The following CNOT4 variants were observed in gnomAD, a reference collection of about 807,000 sequenced individuals.
The protein encoded by CNOT4 is CCR4-associated factor 4.
Under a neutral mutation model 73.8 loss-of-function variants are expected in CNOT4, and 8 were observed. That is an observed-to-expected ratio of 0.11 (90% CI 0.06 to 0.20). The LOEUF (loss-of-function observed/expected upper bound fraction) is 0.20. CNOT4 is among the 10% of genes least tolerant of loss of function. The probability of loss-of-function intolerance (pLI) is 1.00; values close to 1 mark genes in which losing one functional copy is unlikely to be tolerated. For synonymous variants in CNOT4, 293 were observed against 321.1 expected (o/e 0.91, Z 0.94); for missense variants, 564 against 883.4 (o/e 0.64, Z 4.58).
At chr7:135,389,865 G>C (rs1468118666) in intron 10 of CNOT4, among the ~76,000 whole-genome samples, 1 of 151,968 alleles carries the variant, frequency 6.6e-6, no homozygotes, top group African/African-American at 2.4e-5. Flanking sequence ...AACTGACAAA[G>C]CAGAAAAAGA....
intron 10 of CNOT4, among the ~76,000 whole-genome samples, chr7:135,380,796 G>A (rs1795803819): frequency 6.6e-6 from 1 of 152,136 alleles, no homozygotes; most frequent in African/African-American, 2.4e-5. Context: ...ACAATCCTTC[G>A]GAGCCTTGTT....
intron 2 of CNOT4, among the ~76,000 whole-genome samples, chr7:135,425,439 C>T (rs1798438110): frequency 1.3e-5 from 2 of 152,208 alleles, no homozygotes; most frequent in South Asian, 4.1e-4. Flanking sequence ...ATTACTGATG[C>T]ACCATCATGT....
intron 2 of CNOT4, among the ~76,000 whole-genome samples, chr7:135,434,966 T>C (rs1585638146): frequency 6.6e-6 from 1 of 152,354 alleles, no homozygotes; most frequent in East Asian, 1.9e-4. Flanking sequence ...TGAAAATGTT[T>C]TATTATGCCT....
At chr7:135,422,476 T>G (rs1237497030) in intron 2 of CNOT4, 123 bp from the exon 3 acceptor site, 3 of 563,350 alleles carry the variant, frequency 5.3e-6, no homozygotes, top group Non-Finnish European at 9.4e-6. Flanking sequence ...TATTAGAATG[T>G]TTTAACTGCT....
At chr7:135,479,624 A>G (rs948842094) in intron 1 of CNOT4, among the ~76,000 whole-genome samples, 14 of 152,126 alleles carry the variant, frequency 9.2e-5, no homozygotes, top group African/African-American at 3.1e-4. Context: ...ATGCCCAGGC[A>G]AGGTGGCTCA....
At chr7:135,415,054 T>C in intron 4 of CNOT4, 122 bp downstream of exon 4, 2 of 681,400 alleles carry the variant, frequency 2.9e-6, no homozygotes, top group South Asian at 3.7e-5. Flanking sequence ...CAGAGGTCAC[T>C]ACATTGCTTA....
intron 1 of CNOT4, among the ~76,000 whole-genome samples, chr7:135,506,416 G>GT (rs1211891329): frequency 6.6e-6 from 1 of 152,166 alleles, no homozygotes; most frequent in Non-Finnish European, 1.5e-5. Flanking sequence ...TATAGTTACT[G>GT]TAAGAGAGCT....
At chr7:135,405,026 A>G (rs562313015) in intron 7 of CNOT4, among the ~76,000 whole-genome samples, 3 of 152,310 alleles carry the variant, frequency 2.0e-5, no homozygotes, top group African/African-American at 7.2e-5. Context: ...AGCTGCTCTT[A>G]AGAATTTTAC....
intron 1 of CNOT4, among the ~76,000 whole-genome samples, chr7:135,508,826 T>C (rs1412899247): frequency 6.6e-6 from 1 of 152,206 alleles, no homozygotes. Flanking sequence ...TATTTTGTAA[T>C]GCTGGGGTTA....
intron 10 of CNOT4, among the ~76,000 whole-genome samples, chr7:135,378,984 C>CA (rs34447722): frequency 0.48 from 46,433 of 96,750 alleles, 8,918 homozygotes; most frequent in Middle Eastern, 0.61. Context: ...AACCCTGTCT[C>CA]AAAAAAAAAA....
At position 135,464,635 on chromosome 7, in the gene CNOT4, A is replaced by T. The variant is rs544091680; in HGVS notation, c.-92-26212T>A. On this transcript the variant is annotated intron_variant, in intron 1 of 11. Transcript: ENST00000541284. ...GATGTGACATGTGTTTACCTATGTA[A>T]CAAACCTTATCATGTGCCCCCAAAC... is the stretch of plus-strand genomic sequence containing the variant. 1.6e-3 allele frequency among the ~76,000 whole-genome samples: 241 copies of T among 152,264 alleles called. 3 individuals carry two copies. Among genetic ancestry groups the T allele is most frequent in the Non-Finnish European group, 8.4e-4 (57 of 68,018 alleles).
chr7:135,381,662 C>CTTT (rs776389481), intron 10 of CNOT4, among the ~76,000 whole-genome samples: 5 of 152,148 alleles, frequency 3.3e-5, no homozygotes, highest in Non-Finnish European at 7.4e-5. Context: ...AAGAAACAGA[C>CTTT]TAAAATTCTT....
chr7:135,507,323 A>T (rs966491568), intron 1 of CNOT4, among the ~76,000 whole-genome samples: 19 of 152,228 alleles, frequency 1.2e-4, no homozygotes, highest in Admixed American at 1.3e-4. Context: ...TCAACCTGGC[A>T]GAAAGTATTC....
At chr7:135,444,184 T>C (rs2129485591) in intron 1 of CNOT4, among the ~76,000 whole-genome samples, 1 of 151,756 alleles carries the variant, frequency 6.6e-6, no homozygotes, top group East Asian at 1.9e-4. Flanking sequence ...TACACGAGAA[T>C]GTAAGGTAGT....
intron 10 of CNOT4, among the ~76,000 whole-genome samples, chr7:135,372,271 C>T (rs567046629): frequency 6.6e-5 from 10 of 152,142 alleles, no homozygotes; most frequent in African/African-American, 1.4e-4. Flanking sequence ...GCAAAAATAA[C>T]AGAAACCCTA....
intron 2 of CNOT4, among the ~76,000 whole-genome samples, chr7:135,433,882 G>GA (rs1799000904): frequency 6.6e-6 from 1 of 152,212 alleles, no homozygotes; most frequent in East Asian, 1.9e-4. Context: ...AGCAGTCTAA[G>GA]AAAAAACCAA....
intron 1 of CNOT4, among the ~76,000 whole-genome samples, chr7:135,466,256 C>T (rs183382559): frequency 9.9e-5 from 15 of 151,452 alleles, no homozygotes; most frequent in Admixed American, 7.2e-4. Context: ...CTGAGGTGGG[C>T]GGATCATGTG....
At chr7:135,388,837 T>TACAACAAG in intron 10 of CNOT4, 1 of 1,613,230 alleles carries the variant, frequency 6.2e-7, no homozygotes, top group Non-Finnish European at 8.5e-7. Context: ...CTGTCCTTGT[T>TACAACAAG]GTAATGAATG....
intron 10 of CNOT4, among the ~76,000 whole-genome samples, chr7:135,368,269 G>C (rs1004414658): frequency 6.6e-6 from 1 of 151,952 alleles, no homozygotes; most frequent in Non-Finnish European, 1.5e-5. Flanking sequence ...CATAGTAAGC[G>C]GATCATGATG....
Sources: allele counts gnomAD v4.1 joint callset (sites outside exome capture counted in the v4.1 genomes callset), GRCh38; gene constraint gnomAD v4.1.1; transcripts MANE v1.5; gene names NCBI Gene and HGNC (gene_info 2026-07-23, HGNC 2026-07-21).